Variants in PLVAP observed in about 807,000 individuals in gnomAD.
The protein encoded by PLVAP is plasmalemma vesicle associated protein.
PLVAP carries 34 observed loss-of-function variants against 43.1 expected under a neutral mutation model. The observed-to-expected ratio is 0.79, with a 90% confidence interval of 0.60 to 1.05. PLVAP has a LOEUF of 1.05. Ranked by LOEUF, PLVAP falls within the 50% of genes least tolerant of loss-of-function variation. The probability of loss-of-function intolerance (pLI) is 0.00; values close to 1 mark genes in which losing one functional copy is unlikely to be tolerated. For synonymous variants in PLVAP, 241 were observed against 237.3 expected, an observed-to-expected ratio of 1.02 and a Z score of -0.14; for missense variants, 574 against 593.4, an observed-to-expected ratio of 0.97 and a Z score of 0.34.
intron 3 of PLVAP, among the ~76,000 whole-genome samples, chr19:17,363,889 C>T (rs2074538188): frequency 6.7e-6 from 1 of 150,314 alleles, no homozygotes; most frequent in Admixed American, 6.7e-5. Flanking sequence ...ACTACAGGCG[C>T]CCGCCACCAC....
Position 17,377,079 on chromosome 19 carries a change from T to C in PLVAP, c.210A>G (p.Leu70=). 1 of 1,614,156 alleles carries C rather than the reference T, an allele frequency of 6.2e-7. No individual in the cohort carries two copies. ...CCGTGAGCCCTAGGAGCTGACTGTATAGGCCCTCGGCTCGGCGCTCGGTGG... is the reference window on the plus strand; with the variant it reads ...CCGTGAGCCCTAGGAGCTGACTGTACAGGCCCTCGGCTCGGCGCTCGGTGG... ...LQATERRAEG[L]YSQLLGLTAS... is the part of the protein sequence containing the mutation. Residue 70 remains leucine (L), a synonymous_variant, in exon 1 of 6, where the codon CTA becomes CTG. Coordinates refer to ENST00000252590, the MANE Select transcript of PLVAP (RefSeq NM_031310.3).
rs374507346 is a variant in PLVAP, at chr19:17,377,025, G to T, written c.264C>A (p.Leu88=). The T allele has an allele frequency of 5.0e-6, 8 of 1,614,120 alleles. No homozygotes were observed. The highest frequency in any genetic ancestry group is 6.8e-6 in the Non-Finnish European group (8 of 1,180,032). Residue 88 remains leucine, a synonymous_variant, in exon 1 of 6, where the codon CTC becomes CTA. Coordinates refer to ENST00000252590, the MANE Select transcript of PLVAP (RefSeq NM_031310.3). ...TASQSNLTKE[L]NFTTRAKDAI... Reference sequence around the variant, plus strand: ...CATCCTTGGCGCGGGTGGTGAAGTTGAGCTCCTTGGTCAAGTTGGACTGGG... The same window carrying T: ...CATCCTTGGCGCGGGTGGTGAAGTTTAGCTCCTTGGTCAAGTTGGACTGGG...
chr19:17,365,759 C>T lies in PLVAP; in HGVS notation c.706G>A (p.Asp236Asn), dbSNP rs779522048. 4 of 1,614,136 alleles carry T rather than the reference C, an allele frequency of 2.5e-6. No homozygotes were observed. Among genetic ancestry groups the T allele is most frequent in the Non-Finnish European group, 3.4e-6 (4 of 1,180,032 alleles). ...GAGTCCCTCCACAGGTTACGAAGGT[C>T]CATCTCAAACTTGTCCTTGTCCAGG... ...LPLDKDKFEM[D>N]LRNLWRDSII... The change falls in exon 3 of 6, where the codon GAC (aspartate) becomes AAC (asparagine). Residue 236 changes from aspartate to asparagine, a missense_variant. Asp to Asn is a conservative substitution (Grantham distance 23). Coordinates refer to ENST00000252590, the MANE Select transcript of PLVAP (RefSeq NM_031310.3).
At chr19:17,374,317 T>C (rs905741881) in intron 1 of PLVAP, among the ~76,000 whole-genome samples, 1 of 151,880 alleles carries the variant, frequency 6.6e-6, no homozygotes, top group Admixed American at 6.6e-5. Flanking sequence ...ATAGAAAAAT[T>C]AGCCAGGCAT....
In PLVAP at chr19:17,365,606, C is replaced by T; in HGVS notation, c.859G>A (p.Ala287Thr). Residue 287 changes from alanine to threonine, a missense_variant, in exon 3 of 6, where the codon GCC becomes ACC. Physicochemically the swap from Ala to Thr is moderately conservative, Grantham distance 58. Transcript: ENST00000252590. ...SLMSSKVEEL[A>T]RSLRADIERV... ...TCGATATCCGCCCGGAGGCTCCGGG[C>T]CAGCTCCTCCACCTTGGAGCTCATG... 6.2e-7 allele frequency: 1 copy of T among 1,613,194 alleles called. No homozygotes were observed. Among genetic ancestry groups the T allele is most frequent in the Non-Finnish European group, 8.5e-7 (1 of 1,180,042 alleles).
intron 5 of PLVAP, among the ~76,000 whole-genome samples, chr19:17,352,997 C>T (rs575141511): frequency 8.5e-5 from 13 of 152,338 alleles, no homozygotes; most frequent in Admixed American, 2.6e-4. Context: ...CCGGCCCCAC[C>T]GCCTTTGCAC....
At chr19:17,366,506 G>A (rs1427868597) in intron 1 of PLVAP, among the ~76,000 whole-genome samples, 2 of 152,024 alleles carry the variant, frequency 1.3e-5, no homozygotes, top group Non-Finnish European at 2.9e-5. Context: ...ATGTTTGTCT[G>A]ATCTTCAAAA....
intron 5 of PLVAP, among the ~76,000 whole-genome samples, chr19:17,356,319 G>A (rs1295853088): frequency 6.6e-6 from 1 of 152,030 alleles, no homozygotes; most frequent in Non-Finnish European, 1.5e-5. Flanking sequence ...AAAAGAAAAA[G>A]AAAGATTTTT....
chr19:17,364,202 C>T (rs921772737), intron 3 of PLVAP, among the ~76,000 whole-genome samples: 14 of 152,100 alleles, frequency 9.2e-5, no homozygotes, highest in Non-Finnish European at 1.9e-4. Context: ...TCTCCTGTCT[C>T]AGCCTCCCAA....
intron 3 of PLVAP, 51 bp from the exon 4 acceptor site, chr19:17,360,883 A>C (rs2074525584): frequency 6.8e-7 from 1 of 1,459,906 alleles, no homozygotes; most frequent in Non-Finnish European, 9.5e-7. Context: ...CTTCCCAGAC[A>C]GGCTTCTGCC....
At chr19:17,364,933 C>G (rs777521470) in intron 3 of PLVAP, among the ~76,000 whole-genome samples, 1 of 151,904 alleles carries the variant, frequency 6.6e-6, no homozygotes, top group Non-Finnish European at 1.5e-5. Context: ...CCACCACGCC[C>G]GGCTAATTTT....
chr19:17,366,296 A>C (rs2074549988), intron 1 of PLVAP, 101 bp from the exon 2 acceptor site: 1 of 1,081,638 alleles, frequency 9.2e-7, no homozygotes, highest in African/African-American at 1.6e-5. Context: ...GAGTGAGCTG[A>C]GTTCACAAGG....
intron 1 of PLVAP, among the ~76,000 whole-genome samples, chr19:17,368,488 AGTC>A (rs947267665): frequency 2.6e-5 from 4 of 151,660 alleles, no homozygotes; most frequent in Admixed American, 6.6e-5. Context: ...CTGGGATTAT[AGTC>A]GTGAGCCACC....
At chr19:17,376,828 G>T in intron 1 of PLVAP, 92 bp downstream of exon 1, 1 of 1,231,978 alleles carries the variant, frequency 8.1e-7, no homozygotes, top group Non-Finnish European at 1.1e-6. Context: ...TCCTGTGATC[G>T]TCCCCCTCTC....
rs556592539 is a variant in PLVAP at position 17,352,001 on chromosome 19, G to T, written c.*361C>A. The T allele has an allele frequency of 3.0e-6, 1 of 331,314 alleles. No homozygotes were observed. Among genetic ancestry groups the T allele is most frequent in the South Asian group, 6.2e-5 (1 of 16,028 alleles). 20.5% of individuals were successfully genotyped at this position (331,314 alleles called of 1,614,324 possible). A position where few individuals can be genotyped will look rare whatever the true frequency, so the allele number is the denominator to read the frequency against. ...TGACGTCGTTGCTGCATCTCGGTGT[G>T]ACGTCATGCCAAGTTCCCCATGTCT... On this transcript the variant is annotated 3_prime_UTR_variant, in exon 6 of 6. Coordinates refer to ENST00000252590, the MANE Select transcript of PLVAP (RefSeq NM_031310.3).
chr19:17,374,387 C>G, intron 1 of PLVAP, among the ~76,000 whole-genome samples: 1 of 151,980 alleles, frequency 6.6e-6, no homozygotes. Context: ...ATGGTATGAA[C>G]GCAGAAGGTG....
chr19:17,357,848 G>A (rs1369000067), intron 5 of PLVAP, among the ~76,000 whole-genome samples: 1 of 152,168 alleles, frequency 6.6e-6, no homozygotes, highest in Non-Finnish European at 1.5e-5. Context: ...GCAAGGTCCA[G>A]GCTTAAGTAC....
intron 5 of PLVAP, among the ~76,000 whole-genome samples, chr19:17,358,209 G>C (rs1055145318): frequency 6.6e-6 from 1 of 151,356 alleles, no homozygotes; most frequent in African/African-American, 2.4e-5. Context: ...AGAGCAAAGG[G>C]GTTGAGAGAC....
At chr19:17,354,711 A>T (rs1319034091) in intron 5 of PLVAP, among the ~76,000 whole-genome samples, 1 of 151,638 alleles carries the variant, frequency 6.6e-6, no homozygotes, top group Non-Finnish European at 1.5e-5. Context: ...ATCCTGGCTA[A>T]CACAGTGAAA....
Sources: gnomAD v4.1 joint callset for allele counts (sites outside exome capture counted in the v4.1 genomes callset) on GRCh38, gnomAD v4.1.1 for gene constraint, MANE v1.5 for transcripts, NCBI Gene and HGNC (gene_info 2026-07-23, HGNC 2026-07-21) for gene names.